Variants in CNTN4 observed in about 807,000 individuals in gnomAD.
The protein encoded by CNTN4 is contactin-4.
CNTN4 carries 77 observed loss-of-function variants against 122.5 expected under a neutral mutation model. That is an observed-to-expected ratio of 0.63 (90% CI 0.52 to 0.76). The LOEUF (loss-of-function observed/expected upper bound fraction) is 0.76. Among genes scored for constraint, CNTN4 ranks in the 30% least tolerant of loss-of-function variants. The pLI is 0.00. For missense variants in CNTN4, 1,256 were observed against 1,259.1 expected (o/e 1.00, Z 0.04); for synonymous variants, 512 against 447.0 (o/e 1.15, Z -1.83).
chr3:2,941,522 G>T (rs529850514), intron 13 of CNTN4, among the ~76,000 whole-genome samples: 139 of 152,278 alleles, frequency 9.1e-4, no homozygotes, highest in African/African-American at 3.3e-3. Context: ...GCTAATTTCT[G>T]TTTCATCACC....
rs1342818399 is a variant in CNTN4 at position 2,628,719 on chromosome 3, G to A, written c.55+57161G>A. ...TGAACATCCTTCAACCAGTAGTTCC[G>A]TGTCTGATGTGTAGACAGTGGTAAC... On this transcript the variant is annotated intron_variant, in intron 4 of 24. Coordinates refer to ENST00000418658, the MANE Select transcript of CNTN4 (RefSeq NM_175607.3). 6.6e-5 allele frequency among the ~76,000 whole-genome samples: 10 copies of A among 152,154 alleles called. No individual in the cohort carries two copies. In the South Asian group the frequency reaches 8.3e-4, roughly 13 times the overall value.
At chr3:3,000,255 T>C (rs1695908898) in intron 14 of CNTN4, among the ~76,000 whole-genome samples, 1 of 152,068 alleles carries the variant, frequency 6.6e-6, no homozygotes, top group South Asian at 2.1e-4. Flanking sequence ...GATCTACTGA[T>C]AAAAATACAA....
intron 3 of CNTN4, among the ~76,000 whole-genome samples, chr3:2,481,731 G>A (rs1181048948): frequency 6.6e-6 from 1 of 152,066 alleles, no homozygotes; most frequent in African/African-American, 2.4e-5. Context: ...ATTAAATCAT[G>A]GGGGTGGTTC....
chr3:2,952,926 A>G (rs1470179294), intron 13 of CNTN4, among the ~76,000 whole-genome samples: 2 of 152,220 alleles, frequency 1.3e-5, no homozygotes, highest in African/African-American at 4.8e-5. Flanking sequence ...TATTTTACAT[A>G]TACTGTACCT....
chr3:3,025,996 G>T (rs1698686674), intron 14 of CNTN4, 106 bp from the exon 15 acceptor site: 3 of 1,138,144 alleles, frequency 2.6e-6, no homozygotes, highest in Non-Finnish European at 3.9e-6. Context: ...AAAAAATAAA[G>T]CAAAATTACT....
chr3:2,307,758 G>T (rs1457754020), intron 2 of CNTN4, among the ~76,000 whole-genome samples: 1 of 152,022 alleles, frequency 6.6e-6, no homozygotes, highest in Non-Finnish European at 1.5e-5. Flanking sequence ...TGCTTTACTT[G>T]AATAATCTGG....
chr3:2,730,261 A>G (rs116569355), intron 4 of CNTN4, among the ~76,000 whole-genome samples: 1,984 of 152,308 alleles, frequency 0.013, 21 homozygotes, highest in Non-Finnish European at 0.021. Flanking sequence ...GGTGATTTAT[A>G]CAATGTTTTA....
At chr3:2,430,166 G>A (rs1360045783) in intron 3 of CNTN4, among the ~76,000 whole-genome samples, 1 of 152,034 alleles carries the variant, frequency 6.6e-6, no homozygotes, top group Non-Finnish European at 1.5e-5. Context: ...GCTCACACCT[G>A]TAATCCCAGC....
At chr3:2,120,376 TATATATATATATATATATATATA>T in intron 2 of CNTN4, among the ~76,000 whole-genome samples, 1 of 39,522 alleles carries the variant, frequency 2.5e-5, no homozygotes. Context: ...TATATATAAA[TATATATATATATATATATATATA>T]TATATATTTT....
intron 3 of CNTN4, among the ~76,000 whole-genome samples, chr3:2,514,558 C>G (rs533730293): frequency 6.6e-6 from 1 of 152,154 alleles, no homozygotes; most frequent in African/African-American, 2.4e-5. Context: ...TGTTATCAAG[C>G]CTTAACTGTG....
chr3:2,835,863 T>C (rs9310863), intron 7 of CNTN4, among the ~76,000 whole-genome samples: 1 of 151,776 alleles, frequency 6.6e-6, no homozygotes. Context: ...CAAAGGAACA[T>C]AGCACAAACC....
At chr3:2,456,968 TG>T (rs1327587469) in intron 3 of CNTN4, among the ~76,000 whole-genome samples, 5 of 152,226 alleles carry the variant, frequency 3.3e-5, no homozygotes, top group African/African-American at 1.2e-4. Context: ...CCCTATGAGG[TG>T]AATACTATTA....
intron 2 of CNTN4, among the ~76,000 whole-genome samples, chr3:2,133,055 G>T (rs2034526164): frequency 6.6e-6 from 1 of 152,258 alleles, no homozygotes; most frequent in South Asian, 2.1e-4. Flanking sequence ...GGACAAAAAT[G>T]AAGGACTTGA....
intron 7 of CNTN4, among the ~76,000 whole-genome samples, chr3:2,839,499 A>T (rs1218861382): frequency 6.6e-6 from 1 of 152,010 alleles, no homozygotes; most frequent in Non-Finnish European, 1.5e-5. Flanking sequence ...TTCTAAATAT[A>T]GAGGGGTTTA....
chr3:2,514,174 C>T (rs1015866677), intron 3 of CNTN4, among the ~76,000 whole-genome samples: 2 of 152,078 alleles, frequency 1.3e-5, no homozygotes, highest in Non-Finnish European at 2.9e-5. Context: ...TTTTGTTTGA[C>T]CCCAGAGCTG....
chr3:2,519,822 A>G (rs980365358), intron 3 of CNTN4, among the ~76,000 whole-genome samples: 4 of 152,182 alleles, frequency 2.6e-5, no homozygotes, highest in Admixed American at 2.0e-4. Flanking sequence ...TTCAACTTCT[A>G]TGGTAAGTTA....
chr3:2,598,578 C>T (rs2080881200), intron 4 of CNTN4, among the ~76,000 whole-genome samples: 1 of 152,080 alleles, frequency 6.6e-6, no homozygotes, highest in South Asian at 2.1e-4. Context: ...ACTTGAACTG[C>T]AATAAAGCCA....
chr3:2,773,134 G>C (rs576019901), intron 6 of CNTN4, among the ~76,000 whole-genome samples: 21 of 152,108 alleles, frequency 1.4e-4, no homozygotes, highest in Middle Eastern at 3.4e-3. Flanking sequence ...TGGTGGGGGG[G>C]GTTGCAGAGT....
At chr3:2,295,561 C>G (rs1481740437) in intron 2 of CNTN4, among the ~76,000 whole-genome samples, 1 of 151,674 alleles carries the variant, frequency 6.6e-6, no homozygotes, top group South Asian at 2.1e-4. Flanking sequence ...TTAGTTTATT[C>G]TAGATTCTGG....
Sources: gnomAD v4.1 joint callset for allele counts (sites outside exome capture counted in the v4.1 genomes callset) on GRCh38, gnomAD v4.1.1 for gene constraint, MANE v1.5 for transcripts, NCBI Gene and HGNC (gene_info 2026-07-23, HGNC 2026-07-21) for gene names.